The following SCFD2 variants were observed in gnomAD, a reference collection of about 807,000 sequenced individuals.
SCFD2 encodes the protein sec1 family domain containing 2.
SCFD2 carries 54 observed loss-of-function variants against 58.9 expected under a neutral mutation model. The observed-to-expected ratio is 0.92, with a 90% CI of 0.74 to 1.15. The LOEUF is 1.15. Among genes scored for constraint, SCFD2 ranks in the 50% most tolerant of loss-of-function variants. The probability of loss-of-function intolerance (pLI) is 0.00; values close to 1 mark genes in which losing one functional copy is unlikely to be tolerated. For missense variants in SCFD2, 805 were observed against 836.6 expected, an observed-to-expected ratio of 0.96 and a Z score of 0.47; for synonymous variants, 321 against 335.9, an observed-to-expected ratio of 0.96 and a Z score of 0.49.
chr4:52,885,429 T>C (rs539108900), intron 8 of SCFD2, among the ~76,000 whole-genome samples: 1 of 152,316 alleles, frequency 6.6e-6, no homozygotes, highest in Admixed American at 6.5e-5. Flanking sequence ...CTGCCCCAGA[T>C]TATTTTGCAA....
rs537925169 is a variant in SCFD2 at position 52,940,755 on chromosome 4, C to G, written c.1562-19885G>C. On this transcript the variant is annotated intron_variant, in intron 5 of 8. Coordinates refer to ENST00000401642, the MANE Select transcript of SCFD2 (RefSeq NM_152540.4). ...CGCAAAGGGACTTCTTGTTGTAGGA[C>G]TAAGCACTTATAGGAGAAGACACAA... Among the ~76,000 whole-genome samples, 5 of 152,234 alleles carry G rather than the reference C, an allele frequency of 3.3e-5. No homozygotes were observed. The South Asian group carries it at 1.0e-3, about 32-fold the overall frequency.
At position 53,313,704 on chromosome 4, in the gene SCFD2, A is replaced by G. The variant is rs1012984876; in HGVS notation, c.1067T>C (p.Val356Ala). 2 of 1,613,944 alleles carry G rather than the reference A, an allele frequency of 1.2e-6. No individual in the cohort carries two copies. Among genetic ancestry groups the G allele is most frequent in the African/African-American group, 2.7e-5 (2 of 74,916 alleles). ...CACTAGATGTCTCCGAACTTCCATC[A>G]CTGCCTCTTTGTGCTTAGTGTTCAG... ...ALLNTKHKEA[V>A]MEVRRHLVEA... The change falls in exon 3 of 9, where the codon GTG (valine) becomes GCG (alanine). Residue 356 changes from valine (V) to alanine (A), a missense_variant. Coordinates refer to ENST00000401642, the MANE Select transcript of SCFD2 (RefSeq NM_152540.4).
chr4:52,954,357 C>A (rs1458226129), intron 5 of SCFD2, among the ~76,000 whole-genome samples: 1 of 152,154 alleles, frequency 6.6e-6, no homozygotes. Flanking sequence ...TTCCTCAAAT[C>A]TGTGGAAGGT....
intron 5 of SCFD2, among the ~76,000 whole-genome samples, chr4:53,076,669 G>A (rs1723985487): frequency 6.6e-6 from 1 of 152,136 alleles, no homozygotes; most frequent in South Asian, 2.1e-4. Context: ...AAAAGGACCT[G>A]CCAGGTCTGA....
chr4:53,194,250 C>T (rs1219957050), intron 4 of SCFD2, among the ~76,000 whole-genome samples: 7 of 152,098 alleles, frequency 4.6e-5, no homozygotes, highest in East Asian at 1.9e-4. Context: ...AACATACTAA[C>T]GAATGCAGTT....
chr4:53,214,768 G>A (rs1384734332), intron 4 of SCFD2, among the ~76,000 whole-genome samples: 1 of 152,056 alleles, frequency 6.6e-6, no homozygotes, highest in Non-Finnish European at 1.5e-5. Context: ...TTTTCTTCTA[G>A]GGTTTTTATG....
At chr4:53,159,702 C>T (rs958115489) in intron 4 of SCFD2, among the ~76,000 whole-genome samples, 1 of 152,110 alleles carries the variant, frequency 6.6e-6, no homozygotes, top group African/African-American at 2.4e-5. Context: ...ACCCCCTTGG[C>T]ACATAAATAC....
At chr4:53,322,819 C>T (rs1336967063) in intron 2 of SCFD2, among the ~76,000 whole-genome samples, 2 of 152,192 alleles carry the variant, frequency 1.3e-5, no homozygotes, top group Non-Finnish European at 2.9e-5. Context: ...ACTTGCTCCA[C>T]TGGGGAACTC....
At chr4:53,221,072 A>C (rs1729033786) in intron 4 of SCFD2, among the ~76,000 whole-genome samples, 1 of 152,204 alleles carries the variant, frequency 6.6e-6, no homozygotes, top group African/African-American at 2.4e-5. Context: ...TACAATGGTC[A>C]AATCTATATT....
chr4:53,166,895 A>G (rs1577795555), intron 4 of SCFD2, among the ~76,000 whole-genome samples: 1 of 151,922 alleles, frequency 6.6e-6, no homozygotes, highest in Admixed American at 6.6e-5. Context: ...ACATAACAAG[A>G]TAAAGCATTT....
At chr4:53,233,832 T>C (rs1426975950) in intron 4 of SCFD2, among the ~76,000 whole-genome samples, 1 of 152,222 alleles carries the variant, frequency 6.6e-6, no homozygotes, top group Non-Finnish European at 1.5e-5. Context: ...TATATCCTTA[T>C]GGAGAAATGT....
intron 4 of SCFD2, among the ~76,000 whole-genome samples, chr4:53,184,803 T>G (rs983639939): frequency 1.3e-5 from 2 of 152,060 alleles, no homozygotes; most frequent in African/African-American, 4.8e-5. Context: ...CATGAGGCTT[T>G]GTAGAAGCTT....
At chr4:52,932,097 G>T (rs150464562) in intron 5 of SCFD2, among the ~76,000 whole-genome samples, 26 of 152,278 alleles carry the variant, frequency 1.7e-4, no homozygotes, top group East Asian at 7.7e-4. Context: ...CAGTCTGGTT[G>T]CTGGTTTAAA....
intron 5 of SCFD2, among the ~76,000 whole-genome samples, chr4:53,124,977 G>A (rs1420023457): frequency 1.3e-5 from 2 of 152,152 alleles, no homozygotes; most frequent in African/African-American, 4.8e-5. Flanking sequence ...AGTAACGGAG[G>A]TAAAGAGAGA....
intron 4 of SCFD2, among the ~76,000 whole-genome samples, chr4:53,250,526 G>C (rs191931718): frequency 6.6e-6 from 1 of 152,238 alleles, no homozygotes; most frequent in Non-Finnish European, 1.5e-5. Context: ...TAAAAGAACA[G>C]AAATTATAAC....
At chr4:53,206,073 A>G (rs772198577) in intron 4 of SCFD2, among the ~76,000 whole-genome samples, 4 of 152,154 alleles carry the variant, frequency 2.6e-5, no homozygotes, top group Non-Finnish European at 4.4e-5. Context: ...TTAACTTGGT[A>G]TATTAGCTGT....
chr4:53,250,989 G>C (rs1413417036), intron 4 of SCFD2, among the ~76,000 whole-genome samples: 3 of 152,110 alleles, frequency 2.0e-5, no homozygotes, highest in Non-Finnish European at 4.4e-5. Flanking sequence ...AAACTTGATA[G>C]ACTAATAAAG....
chr4:53,358,363 T>C (rs1175796551), intron 1 of SCFD2, among the ~76,000 whole-genome samples: 1 of 152,016 alleles, frequency 6.6e-6, no homozygotes, highest in African/African-American at 2.4e-5. Context: ...ACTCTATCTC[T>C]ACTAAAAAAC....
intron 2 of SCFD2, among the ~76,000 whole-genome samples, chr4:53,328,553 AT>A (rs1733293616): frequency 6.6e-6 from 1 of 152,226 alleles, no homozygotes; most frequent in African/African-American, 2.4e-5. Flanking sequence ...TAAAATACGA[AT>A]CTATTAGTTT....
Sources: gnomAD v4.1 joint callset for allele counts (sites outside exome capture counted in the v4.1 genomes callset) on GRCh38, gnomAD v4.1.1 for gene constraint, MANE v1.5 for transcripts, NCBI Gene and HGNC (gene_info 2026-07-23, HGNC 2026-07-21) for gene names.